TEC: variants seen among roughly 807,000 people sequenced by gnomAD.
TEC encodes the protein tec protein tyrosine kinase, also known as tyrosine-protein kinase Tec.
In TEC, 72 loss-of-function variants were observed where a neutral mutation model predicts 93.0. The ratio of observed to expected loss-of-function variants is 0.77; its 90% CI spans 0.64 to 0.94. The LOEUF is 0.94. TEC is among the 40% of genes least tolerant of loss of function. TEC has a pLI of 0.00. For synonymous variants in TEC, 249 were observed against 247.7 expected, an observed-to-expected ratio of 1.01 and a Z score of -0.05; for missense variants, 630 against 757.9, an observed-to-expected ratio of 0.83 and a Z score of 1.98.
intron 8 of TEC, among the ~76,000 whole-genome samples, chr4:48,157,510 A>G (rs1403841856): frequency 6.6e-6 from 1 of 152,088 alleles, no homozygotes; most frequent in Non-Finnish European, 1.5e-5. Flanking sequence ...GGCCCTGCCA[A>G]TCTGCACCGC....
chr4:48,230,743 AC>A (rs1723622687), intron 1 of TEC, among the ~76,000 whole-genome samples: 1 of 152,058 alleles, frequency 6.6e-6, no homozygotes, highest in African/African-American at 2.4e-5. Context: ...CTTTACTTCC[AC>A]CACACTCCAA....
At chr4:48,163,793 T>C (rs754618133) in intron 7 of TEC, 26 bp from the exon 8 acceptor site, 2 of 1,288,072 alleles carry the variant, frequency 1.6e-6, no homozygotes, top group Middle Eastern at 1.9e-4. Flanking sequence ...ATACTTTAGG[T>C]AAACTTACTT....
At chr4:48,148,295 C>T (rs574242996) in intron 11 of TEC, among the ~76,000 whole-genome samples, 9 of 152,102 alleles carry the variant, frequency 5.9e-5, no homozygotes, top group African/African-American at 2.2e-4. Context: ...AAAAAGTGAA[C>T]AGTCACAAAA....
chr4:48,255,233 C>T (rs528345867), intron 1 of TEC, among the ~76,000 whole-genome samples: 6 of 152,248 alleles, frequency 3.9e-5, no homozygotes, highest in South Asian at 2.1e-4. Context: ...TCTTGTATTG[C>T]GGCTTCCTCC....
chr4:48,175,246 T>C (rs1172381221), intron 3 of TEC, among the ~76,000 whole-genome samples: 1 of 152,250 alleles, frequency 6.6e-6, no homozygotes, highest in Non-Finnish European at 1.5e-5. Context: ...CTGGTAAATG[T>C]ATAATTCCAA....
intron 1 of TEC, among the ~76,000 whole-genome samples, chr4:48,257,533 C>T (rs1442276881): frequency 1.3e-5 from 2 of 152,162 alleles, no homozygotes; most frequent in Non-Finnish European, 2.9e-5. Context: ...TTACCACTTA[C>T]CAAGTGTTAC....
chr4:48,241,623 A>T (rs1480388729), intron 1 of TEC, among the ~76,000 whole-genome samples: 2 of 152,120 alleles, frequency 1.3e-5, no homozygotes, highest in Non-Finnish European at 2.9e-5. Flanking sequence ...TGACATCCCC[A>T]CTGTGCACTA....
intron 1 of TEC, among the ~76,000 whole-genome samples, 175 bp from the exon 2 acceptor site, chr4:48,228,834 C>T (rs1723563516): frequency 6.6e-6 from 1 of 152,178 alleles, no homozygotes; most frequent in Non-Finnish European, 1.5e-5. Context: ...TCTCCTTTTC[C>T]AGTTTCCATC....
chr4:48,180,694 A>C (rs1721548225), intron 2 of TEC, among the ~76,000 whole-genome samples: 1 of 152,178 alleles, frequency 6.6e-6, no homozygotes, highest in Non-Finnish European at 1.5e-5. Flanking sequence ...GTGCTTTAGG[A>C]GGCTTGTAGG....
At chr4:48,146,506 C>A in intron 11 of TEC, 107 bp from the exon 12 acceptor site, 1 of 966,472 alleles carries the variant, frequency 1.0e-6, no homozygotes, top group Non-Finnish European at 1.6e-6. Flanking sequence ...TCATTTACTG[C>A]TCATCCTCTG....
At chr4:48,197,040 A>G (rs761114958) in intron 2 of TEC, among the ~76,000 whole-genome samples, 6 of 152,204 alleles carry the variant, frequency 3.9e-5, no homozygotes, top group Non-Finnish European at 7.3e-5. Flanking sequence ...TTGGTCAAAA[A>G]TTCCTCTTCA....
intron 11 of TEC, among the ~76,000 whole-genome samples, chr4:48,148,200 TA>T (rs1719998474): frequency 6.6e-6 from 1 of 152,154 alleles, no homozygotes; most frequent in African/African-American, 2.4e-5. Flanking sequence ...GTAAATATAC[TA>T]AAAACCACTG....
intron 2 of TEC, among the ~76,000 whole-genome samples, chr4:48,177,799 G>C (rs1255630273): frequency 6.6e-6 from 1 of 152,116 alleles, no homozygotes; most frequent in Admixed American, 6.5e-5. Context: ...TGCTGTTCTT[G>C]TGACAGTGAG....
chr4:48,200,469 G>A (rs1270719879), intron 2 of TEC, among the ~76,000 whole-genome samples: 1 of 152,206 alleles, frequency 6.6e-6, no homozygotes, highest in Admixed American at 6.5e-5. Flanking sequence ...CAGCCATTGG[G>A]TACAACAGAC....
intron 2 of TEC, among the ~76,000 whole-genome samples, chr4:48,188,669 A>T (rs1302846090): frequency 1.3e-5 from 2 of 152,224 alleles, no homozygotes; most frequent in Non-Finnish European, 2.9e-5. Context: ...GTATGTGTGC[A>T]TTCACATACT....
intron 7 of TEC, among the ~76,000 whole-genome samples, chr4:48,164,282 C>T (rs150893550): frequency 2.5e-4 from 38 of 152,286 alleles, no homozygotes; most frequent in African/African-American, 8.7e-4. Flanking sequence ...CCTGGCCTTT[C>T]GGTCAGTATC....
At chr4:48,230,093 T>C (rs1429870244) in intron 1 of TEC, among the ~76,000 whole-genome samples, 2 of 148,736 alleles carry the variant, frequency 1.3e-5, no homozygotes, top group Non-Finnish European at 3.0e-5. Flanking sequence ...ATAATAATAA[T>C]AATAATAATA....
intron 2 of TEC, among the ~76,000 whole-genome samples, chr4:48,222,596 C>T (rs575106826): frequency 6.6e-6 from 1 of 152,072 alleles, no homozygotes; most frequent in Non-Finnish European, 1.5e-5. Context: ...AGGAAGCAAA[C>T]TGACCTCCCC....
At chr4:48,248,732 GCAGA>G (rs1223568214) in intron 1 of TEC, among the ~76,000 whole-genome samples, 2 of 152,108 alleles carry the variant, frequency 1.3e-5, no homozygotes, top group East Asian at 1.9e-4. Context: ...GCAGACTCAG[GCAGA>G]CAAAGAGAGC....
Sources: allele counts gnomAD v4.1 joint callset (sites outside exome capture counted in the v4.1 genomes callset), GRCh38; gene constraint gnomAD v4.1.1; transcripts MANE v1.5; gene names NCBI Gene and HGNC (gene_info 2026-07-23, HGNC 2026-07-21).